Variants in ABCA5 observed in about 807,000 individuals in gnomAD.
ABCA5 encodes the protein cholesterol transporter ABCA5.
ABCA5 carries 163 observed loss-of-function variants against 206.0 expected under a neutral mutation model. The observed-to-expected ratio is 0.79, with a 90% CI of 0.70 to 0.90. The LOEUF is 0.90. Ranked by LOEUF, ABCA5 falls within the 40% of genes least tolerant of loss-of-function variation. The pLI, the probability that ABCA5 is intolerant of heterozygous loss-of-function variation, is 0.00. For synonymous variants in ABCA5, 609 were observed against 613.8 expected (o/e 0.99, Z 0.11); for missense variants, 1,859 against 1,912.9 (o/e 0.97, Z 0.53).
chr17:69,315,101 G>A (rs947740863), intron 1 of ABCA5: 9 of 152,214 alleles, frequency 5.9e-5, no homozygotes, highest in African/African-American at 2.2e-4. Flanking sequence ...GAAGCAAAAA[G>A]TAGAAGGGGG....
At chr17:69,257,472 C>G (rs1174235958) in intron 28 of ABCA5, among the ~76,000 whole-genome samples, 1 of 151,764 alleles carries the variant, frequency 6.6e-6, no homozygotes, top group Non-Finnish European at 1.5e-5. Context: ...CATTAGTTAT[C>G]TTATTGAAAA....
rs1370983083 is a variant in ABCA5, at chr17:69,254,440, C to G, written c.4119G>C (p.Leu1373=). 6.2e-7 allele frequency: 1 copy of G among 1,613,184 alleles called. No individual in the cohort carries two copies. The highest frequency in any genetic ancestry group is 1.1e-5 in the South Asian group (1 of 90,882). The stretch of plus-strand genomic sequence containing the variant: ...TCTGAGGACAGTAACCCATACACTT[C>G]AGTGAATCATCATCTTCACTTGTCT... ...SSETSEDDDS[L]KCMGYCPQIN... Residue 1373 remains leucine (L), a synonymous_variant, in exon 32 of 39, where the codon CTG becomes CTC. Coordinates refer to ENST00000392676, the MANE Select transcript of ABCA5 (RefSeq NM_172232.4).
At chr17:69,306,497 C>T (rs910491687) in intron 6 of ABCA5, among the ~76,000 whole-genome samples, 2 of 151,930 alleles carry the variant, frequency 1.3e-5, no homozygotes, top group East Asian at 1.9e-4. Flanking sequence ...AATTTAAACA[C>T]GTATTGTCAA....
At chr17:69,280,594 T>C (rs536971018) in intron 18 of ABCA5, among the ~76,000 whole-genome samples, 7 of 151,624 alleles carry the variant, frequency 4.6e-5, no homozygotes, top group Admixed American at 6.6e-5. Flanking sequence ...CATATGTTTA[T>C]TGTGGCACTA....
chr17:69,274,089 A>G lies in ABCA5; in HGVS notation c.2634T>C (p.Phe878=). The G allele has an allele frequency of 6.3e-7, 1 of 1,596,186 alleles. No individual in the cohort carries two copies. Among genetic ancestry groups the G allele is most frequent in the Non-Finnish European group, 8.5e-7 (1 of 1,175,364 alleles). ...TAAAAGAGTGATGAACCAAAAACATAAAAATCTGAACTGTGAAAAAAATTA... is the reference window on the plus strand; with the variant it reads ...TAAAAGAGTGATGAACCAAAAACATGAAAATCTGAACTGTGAAAAAAATTA... ...LLLIFFTVQI[F]MFLVHHSFKN... is the part of the protein sequence containing the mutation. Residue 878 remains phenylalanine (F), a synonymous_variant, in exon 20 of 39, where the codon TTT becomes TTC. Transcript: ENST00000392676.
chr17:69,318,687 C>A, intron 1 of ABCA5: 1 of 457,644 alleles, frequency 2.2e-6, no homozygotes, highest in East Asian at 4.1e-5. Flanking sequence ...ATAAATTCTT[C>A]CAGCATTCCA....
intron 2 of ABCA5, 112 bp from the exon 3 acceptor site, chr17:69,313,408 T>C: frequency 2.5e-6 from 1 of 407,878 alleles, no homozygotes; most frequent in Admixed American, 8.4e-5. Context: ...TTGGTTGTCC[T>C]TTCTTATGAA....
chr17:69,255,649 AG>A lies in ABCA5; in HGVS notation c.3977-16del. 6.4e-7 allele frequency: 1 copy of A among 1,574,078 alleles called. No individual in the cohort carries two copies. On this transcript the variant is annotated splice_polypyrimidine_tract_variant and intron_variant, in intron 30 of 38. Coordinates refer to ENST00000392676, the MANE Select transcript of ABCA5 (RefSeq NM_172232.4). Reference sequence around the variant, plus strand: ...TAAGATCTCTCCTAAAGGAATTGAAAGAAAAAAAAATCATAATCAAATCATA... The same window carrying A: ...TAAGATCTCTCCTAAAGGAATTGAAAAAAAAAAAATCATAATCAAATCATA...
chr17:69,284,203 A>G (rs1292397050), intron 17 of ABCA5, 131 bp from the exon 18 acceptor site: 2 of 715,980 alleles, frequency 2.8e-6, no homozygotes, highest in Non-Finnish European at 4.0e-6. Flanking sequence ...AAAAAATAAA[A>G]ATAAATTAGC....
At chr17:69,264,685 A>C in intron 24 of ABCA5, 50 bp downstream of exon 24, 2 of 1,263,884 alleles carry the variant, frequency 1.6e-6, no homozygotes, top group Non-Finnish European at 2.1e-6. Flanking sequence ...AACAGATTTT[A>C]AATAACATTC....
intron 9 of ABCA5, among the ~76,000 whole-genome samples, chr17:69,297,984 A>G (rs549427194): frequency 6.6e-6 from 1 of 152,280 alleles, no homozygotes; most frequent in East Asian, 1.9e-4. Context: ...CAGGAGTTTG[A>G]GACCAGCCTG....
At chr17:69,275,643 C>A (rs1183527024) in intron 19 of ABCA5, among the ~76,000 whole-genome samples, 1 of 152,142 alleles carries the variant, frequency 6.6e-6, no homozygotes, top group Non-Finnish European at 1.5e-5. Context: ...TAATGAATAA[C>A]TCTTTAATAT....
In ABCA5 at chr17:69,304,792, T is replaced by G. The variant is rs747646887; in HGVS notation, c.807A>C (p.Leu269=). 9 of 1,600,848 alleles carry G rather than the reference T, an allele frequency of 5.6e-6. No individual in the cohort carries two copies. Among genetic ancestry groups the G allele is most frequent in the Non-Finnish European group, 7.7e-6 (9 of 1,174,418 alleles). ...ACATAAGAAAAATTAAACTTGTATA[T>G]AGAAGAACCCAGGAAAGCCTAAAAT... ...DTAFWLSWVL[L]YTSLIFLMSL... Residue 269 remains leucine (L), a synonymous_variant, in exon 7 of 39, where the codon CTA becomes CTC. Transcript: ENST00000392676.
At chr17:69,249,613 T>C (rs1175373759) in intron 37 of ABCA5, 2 of 354,486 alleles carry the variant, frequency 5.6e-6, no homozygotes, top group African/African-American at 4.2e-5. Context: ...TCTCTAAAAA[T>C]TGTAAAAGGT....
At chr17:69,271,493 G>A (rs758280210) in intron 20 of ABCA5, among the ~76,000 whole-genome samples, 3 of 152,184 alleles carry the variant, frequency 2.0e-5, no homozygotes, top group Non-Finnish European at 4.4e-5. Context: ...AAGTTACCTA[G>A]ATGTTCTGGA....
intron 37 of ABCA5, 107 bp from the exon 38 acceptor site, chr17:69,248,424 T>G: frequency 1.6e-6 from 1 of 641,418 alleles, no homozygotes; most frequent in East Asian, 3.0e-5. Flanking sequence ...ATCAACCCAC[T>G]TAAATTTGAA....
At chr17:69,257,560 TAGA>T (rs1215464818) in intron 28 of ABCA5, among the ~76,000 whole-genome samples, 5 of 151,682 alleles carry the variant, frequency 3.3e-5, no homozygotes, top group African/African-American at 9.7e-5. Context: ...TAACTGGAGA[TAGA>T]AGAATTTTGG....
At chr17:69,263,617 T>G (rs1464031326) in intron 24 of ABCA5, among the ~76,000 whole-genome samples, 1 of 152,032 alleles carries the variant, frequency 6.6e-6, no homozygotes, top group Non-Finnish European at 1.5e-5. Flanking sequence ...ACCATGCTGT[T>G]TTGGTCACTG....
Position 69,326,893 on chromosome 17 carries a change from G to A in ABCA5, c.-16+159C>T, listed in dbSNP as rs1442045023. On this transcript the variant is annotated intron_variant, in intron 1 of 38. Coordinates refer to ENST00000392676, the MANE Select transcript of ABCA5 (RefSeq NM_172232.4). The surrounding 1 kb of genome is among the most constrained non-coding windows in gnomAD (Gnocchi z 4.8). ...TTCCCTCAGCTCGCCGCCTCTGCCC[G>A]CTTCCGAGCCCGCTTCACCCCACAC... Among the ~76,000 whole-genome samples, 1 of 151,942 alleles carries A rather than the reference G, an allele frequency of 6.6e-6. No homozygotes were observed. Among genetic ancestry groups the A allele is most frequent in the African/African-American group, 2.4e-5 (1 of 41,366 alleles).
Sources: allele counts gnomAD v4.1 joint callset (sites outside exome capture counted in the v4.1 genomes callset), GRCh38; gene constraint gnomAD v4.1.1; non-coding constraint Gnocchi (gnomAD v3.1); transcripts MANE v1.5; gene names NCBI Gene and HGNC (gene_info 2026-07-23, HGNC 2026-07-21).